POU6F2: variants seen among roughly 807,000 people sequenced by gnomAD.
POU6F2 encodes the protein POU class 6 homeobox 2.
A neutral mutation model predicts 71.3 loss-of-function variants in POU6F2; 31 were observed. That is an observed-to-expected ratio of 0.43 (90% CI 0.33 to 0.59). POU6F2 has a LOEUF of 0.59. Ranked by LOEUF, POU6F2 falls within the 20% of genes least tolerant of loss-of-function variation. POU6F2 has a pLI of 0.04. For missense variants in POU6F2, 783 were observed against 856.8 expected (o/e 0.91, Z 1.07); for synonymous variants, 347 against 355.7 (o/e 0.98, Z 0.27).
chr7:39,323,442 C>T (rs1346805899), intron 4 of POU6F2, among the ~76,000 whole-genome samples: 3 of 152,106 alleles, frequency 2.0e-5, no homozygotes, highest in Non-Finnish European at 4.4e-5. Flanking sequence ...AAACTTTTTT[C>T]AAGCCCTGTT....
chr7:39,382,069 TA>T (rs1786840171), intron 5 of POU6F2, among the ~76,000 whole-genome samples: 1 of 144,308 alleles, frequency 6.9e-6, no homozygotes, highest in South Asian at 2.1e-4. Context: ...AATAATAATA[TA>T]AAAATGGTTC....
chr7:39,387,572 G>A (rs997156297), intron 5 of POU6F2, among the ~76,000 whole-genome samples: 10 of 152,282 alleles, frequency 6.6e-5, no homozygotes, highest in East Asian at 5.8e-4. Flanking sequence ...CGTCAGGTGC[G>A]CATTCCATCC....
intron 7 of POU6F2, among the ~76,000 whole-genome samples, chr7:39,448,874 G>A (rs1788587560): frequency 6.6e-6 from 1 of 152,190 alleles, no homozygotes; most frequent in Non-Finnish European, 1.5e-5. Flanking sequence ...GTTATAGGGG[G>A]TAGATTGACA....
chr7:39,367,749 G>A (rs1000636298), intron 5 of POU6F2, among the ~76,000 whole-genome samples: 1 of 151,858 alleles, frequency 6.6e-6, no homozygotes, highest in Non-Finnish European at 1.5e-5. Flanking sequence ...CATGTCTATC[G>A]GCACCATTTA....
chr7:39,466,821 A>G lies in POU6F2; in HGVS notation c.*2135A>G, dbSNP rs1789082399. 6.6e-6 allele frequency: 1 copy of G among 152,354 alleles called. No homozygotes were observed. Among genetic ancestry groups the G allele is most frequent in the African/African-American group, 2.4e-5 (1 of 41,446 alleles). The allele number at this position is 152,354 out of a possible 1,614,324, so 9.4% of individuals were successfully genotyped here. A position where few individuals can be genotyped will look rare whatever the true frequency, so the allele number is the denominator to read the frequency against. ...TGGACCACAGCTAACTTGATCTTCAATGCCAACATCACAGAGCCCCTTTCG... is the reference window on the plus strand; with the variant it reads ...TGGACCACAGCTAACTTGATCTTCAGTGCCAACATCACAGAGCCCCTTTCG... On this transcript the variant is annotated 3_prime_UTR_variant, in exon 10 of 10. Coordinates refer to ENST00000518318, the MANE Select transcript of POU6F2 (RefSeq NM_001370959.1).
intron 5 of POU6F2, among the ~76,000 whole-genome samples, chr7:39,399,326 G>T (rs1312658876): frequency 6.6e-6 from 1 of 152,092 alleles, no homozygotes; most frequent in Non-Finnish European, 1.5e-5. Flanking sequence ...AAACATAGTG[G>T]GTACTGAATA....
At chr7:39,015,746 A>G (rs28970935) in intron 1 of POU6F2, among the ~76,000 whole-genome samples, 4,005 of 97,966 alleles carry the variant, frequency 0.041, 148 homozygotes, top group African/African-American at 0.092. Context: ...GATATATATT[A>G]TATATTATAT....
chr7:39,342,891 G>A (rs1031735948), intron 5 of POU6F2, among the ~76,000 whole-genome samples: 4 of 152,216 alleles, frequency 2.6e-5, no homozygotes, highest in Admixed American at 1.3e-4. Flanking sequence ...TTTTAAGATA[G>A]ATAGGAGTCT....
chr7:39,355,606 G>A (rs560123580), intron 5 of POU6F2, among the ~76,000 whole-genome samples: 10 of 152,106 alleles, frequency 6.6e-5, no homozygotes, highest in African/African-American at 2.4e-4. Flanking sequence ...TGTGATATGA[G>A]CCCCTAAACA....
intron 4 of POU6F2, among the ~76,000 whole-genome samples, chr7:39,269,558 C>T (rs1394249374): frequency 2.0e-5 from 3 of 152,244 alleles, no homozygotes; most frequent in Non-Finnish European, 2.9e-5. Context: ...ATTTACCATG[C>T]GTCTTCTCAT....
chr7:39,181,502 G>A (rs1391135992), intron 2 of POU6F2, among the ~76,000 whole-genome samples: 1 of 152,082 alleles, frequency 6.6e-6, no homozygotes, highest in Non-Finnish European at 1.5e-5. Flanking sequence ...CCAAATAAAG[G>A]AACATTCACT....
intron 5 of POU6F2, among the ~76,000 whole-genome samples, chr7:39,365,916 C>G (rs1786490950): frequency 6.6e-6 from 1 of 152,242 alleles, no homozygotes; most frequent in Middle Eastern, 3.4e-3. Flanking sequence ...TCAGGTTGAT[C>G]AGCACAGTTA....
At chr7:39,296,330 C>A (rs1784842958) in intron 4 of POU6F2, among the ~76,000 whole-genome samples, 1 of 152,130 alleles carries the variant, frequency 6.6e-6, no homozygotes, top group African/African-American at 2.4e-5. Context: ...TTTGCCTTCC[C>A]TACTAAGTAT....
chr7:39,414,064 C>G (rs1047465630), intron 6 of POU6F2, among the ~76,000 whole-genome samples: 12 of 151,992 alleles, frequency 7.9e-5, no homozygotes, highest in Admixed American at 4.6e-4. Context: ...GAGCTTCACC[C>G]CAGCAACCCC....
rs149171470 is a variant in POU6F2 at position 39,299,248 on chromosome 7, C to A, written c.599-40394C>A. ...ACCCTCACCTGCTTTTGAAGTCGGG[C>A]CAGGCAGATGCTTGCAGTTTTATTT... On this transcript the variant is annotated intron_variant, in intron 4 of 9. Coordinates refer to ENST00000518318, the MANE Select transcript of POU6F2 (RefSeq NM_001370959.1). Among the ~76,000 whole-genome samples, 28 of 152,174 alleles carry A rather than the reference C, an allele frequency of 1.8e-4. No individual in the cohort carries two copies. In the East Asian group the frequency reaches 5.4e-3, roughly 29 times the overall value.
intron 4 of POU6F2, among the ~76,000 whole-genome samples, chr7:39,337,159 G>A (rs938678478): frequency 6.6e-6 from 1 of 152,152 alleles, no homozygotes; most frequent in Admixed American, 6.5e-5. Context: ...AGGATTCTTG[G>A]CTTCTTTGTC....
At chr7:39,151,567 A>G (rs1338358586) in intron 2 of POU6F2, among the ~76,000 whole-genome samples, 3 of 152,120 alleles carry the variant, frequency 2.0e-5, no homozygotes, top group Non-Finnish European at 4.4e-5. Flanking sequence ...ATGATGCATC[A>G]TCTGCTCTCC....
intron 1 of POU6F2, among the ~76,000 whole-genome samples, chr7:39,012,429 A>AT (rs1454559325): frequency 1.4e-5 from 2 of 147,708 alleles, no homozygotes; most frequent in Admixed American, 6.7e-5. Context: ...ATTCTTCTAA[A>AT]TTTTTTTCAA....
At chr7:39,011,892 C>T (rs1055048457) in intron 1 of POU6F2, among the ~76,000 whole-genome samples, 13 of 151,878 alleles carry the variant, frequency 8.6e-5, no homozygotes, top group African/African-American at 2.7e-4. Flanking sequence ...CCGAGAGATC[C>T]GCTGTTCGTC....
Sources: allele counts gnomAD v4.1 joint callset (sites outside exome capture counted in the v4.1 genomes callset), GRCh38; gene constraint gnomAD v4.1.1; transcripts MANE v1.5; gene names NCBI Gene and HGNC (gene_info 2026-07-23, HGNC 2026-07-21).